Variants in NHSL2 observed in about 807,000 individuals in gnomAD.
NHSL2 encodes NHS like 2.
Under a neutral mutation model 53.4 loss-of-function variants are expected in NHSL2, and 27 were observed. The observed-to-expected ratio is 0.51, with a 90% confidence interval of 0.37 to 0.70. The LOEUF is 0.70. Ranked by LOEUF, NHSL2 falls within the 30% of genes least tolerant of loss-of-function variation. NHSL2 has a pLI of 0.00. For missense variants in NHSL2, 892 were observed against 980.1 expected (o/e 0.91, Z 1.20); for synonymous variants, 408 against 404.1 (o/e 1.01, Z -0.12).
At chrX:71,991,818 TTCTC>T (rs59851052) in intron 1 of NHSL2, among the ~76,000 whole-genome samples, 3,546 of 99,767 alleles carry the variant, frequency 0.036, 38 homozygotes, top group Non-Finnish European at 0.04. Flanking sequence ...GTCTTTCTCT[TTCTC>T]TCTCTCTCTC....
At chrX:71,945,567 G>A (rs2041788622) in intron 1 of NHSL2, among the ~76,000 whole-genome samples, 1 of 111,658 alleles carries the variant, frequency 9.0e-6, no homozygotes, top group Non-Finnish European at 1.9e-5. Flanking sequence ...CCAGACCTCC[G>A]ACTTGGGGCT....
intron 1 of NHSL2, among the ~76,000 whole-genome samples, chrX:71,928,264 T>C (rs959824341): frequency 1.7e-4 from 19 of 111,740 alleles, no homozygotes; most frequent in Admixed American, 7.6e-4. Flanking sequence ...ACTGCAGGAT[T>C]GTATAGGACT....
At chrX:71,954,576 G>T (rs918880348) in intron 1 of NHSL2, among the ~76,000 whole-genome samples, 1 of 112,031 alleles carries the variant, frequency 8.9e-6, no homozygotes, top group African/African-American at 3.2e-5. Context: ...CCTCGGGCTG[G>T]GCCCAGTTGG....
At chrX:71,925,420 CTTT>C (rs775266941) in intron 1 of NHSL2, among the ~76,000 whole-genome samples, 2 of 99,627 alleles carry the variant, frequency 2.0e-5, no homozygotes, top group Non-Finnish European at 2.1e-5. Flanking sequence ...TGTTTTTGCA[CTTT>C]TTTTTTTTTT....
chrX:72,077,926 C>T (rs947514220), intron 1 of NHSL2, among the ~76,000 whole-genome samples: 2 of 112,861 alleles, frequency 1.8e-5, no homozygotes, highest in South Asian at 3.6e-4. Context: ...CTAGGAAACA[C>T]GGGCCAGCTC....
intron 1 of NHSL2, among the ~76,000 whole-genome samples, chrX:72,020,986 G>A (rs1350948814): frequency 8.9e-6 from 1 of 112,116 alleles, no homozygotes; most frequent in African/African-American, 3.3e-5. Flanking sequence ...TTTTGACCTT[G>A]TCTTCTCTGA....
chrX:72,070,699 G>C (rs1298341147), intron 1 of NHSL2, among the ~76,000 whole-genome samples: 2 of 108,307 alleles, frequency 1.8e-5, no homozygotes, highest in South Asian at 4.2e-4. Context: ...CCTCTGTCTT[G>C]GTGGAGTTCC....
rs948804691 is a variant in NHSL2 at position 72,153,256 on chromosome X, T to G, written c.*9682T>G. ...TTATATAGCTAGAGCTGTTTGTGTC[T>G]TCTTAAAATAAACTTTTTCTGTTAA... On this transcript the variant is annotated 3_prime_UTR_variant, in exon 8 of 8. Transcript: ENST00000633930. 7 of 112,748 alleles carry G rather than the reference T, an allele frequency of 6.2e-5. No individual in the cohort carries two copies. The highest frequency in any genetic ancestry group is 2.3e-4 in the African/African-American group (7 of 31,061). 9.3% of individuals were successfully genotyped at this position (112,748 alleles called of 1,213,427 possible).
intron 1 of NHSL2, chrX:72,128,053 T>C (rs1246043000): frequency 8.9e-6 from 1 of 112,422 alleles, no homozygotes; most frequent in East Asian, 2.8e-4. Context: ...TGTATTACTT[T>C]TCTCTTTGGA....
At chrX:71,961,630 G>A (rs1263186581) in intron 1 of NHSL2, among the ~76,000 whole-genome samples, 1 of 110,966 alleles carries the variant, frequency 9.0e-6, no homozygotes, top group Non-Finnish European at 1.9e-5. Flanking sequence ...GTTAGCTTTG[G>A]GTAGGTTTTT....
intron 1 of NHSL2, among the ~76,000 whole-genome samples, chrX:72,033,203 T>TG (rs1219658244): frequency 1.9e-5 from 2 of 106,904 alleles, no homozygotes; most frequent in African/African-American, 3.5e-5. Context: ...TTTTTTTTTT[T>TG]GGGAGACAAA....
chrX:72,020,493 A>C (rs2042154915), intron 1 of NHSL2, among the ~76,000 whole-genome samples: 1 of 112,595 alleles, frequency 8.9e-6, no homozygotes, highest in Non-Finnish European at 1.9e-5. Context: ...GACGCAAACC[A>C]CTATATGGCC....
intron 1 of NHSL2, among the ~76,000 whole-genome samples, chrX:72,100,820 G>T (rs1461852655): frequency 2.7e-5 from 3 of 112,226 alleles, no homozygotes; most frequent in Non-Finnish European, 5.6e-5. Context: ...CAAAAAGGTT[G>T]GGGACTGCTG....
rs142080245 is a variant in NHSL2, at chrX:72,139,181, G to A, written c.1633G>A (p.Ala545Thr). Residue 545 changes from alanine (A) to threonine (T), a missense_variant, in exon 6 of 8, where the codon GCC becomes ACC. Transcript: ENST00000633930. ...TGCTGACAACATTGCCTCCCTTAGT[G>A]CCCAGCAAGAGGCCCAGCACAGAAG... is the stretch of plus-strand genomic sequence containing the variant. ...NSADNIASLS[A>T]QQEAQHRRQR... 2.1e-4 allele frequency: 246 copies of A among 1,173,087 alleles called. No homozygotes were observed. In the African/African-American group the frequency reaches 3.6e-3, roughly 17 times the overall value.
intron 1 of NHSL2, among the ~76,000 whole-genome samples, chrX:71,984,158 CCTGT>C (rs1033100072): frequency 5.4e-5 from 6 of 111,277 alleles, no homozygotes; most frequent in Non-Finnish European, 7.5e-5. Context: ...TGATGATATT[CCTGT>C]CTAACTATTA....
At chrX:72,051,635 A>C (rs2042341238) in intron 1 of NHSL2, among the ~76,000 whole-genome samples, 4 of 111,105 alleles carry the variant, frequency 3.6e-5, no homozygotes, top group Admixed American at 2.9e-4. Context: ...CCTTCTCCAC[A>C]ACATGTTCCC....
chrX:72,089,972 A>C (rs191948910), intron 1 of NHSL2, among the ~76,000 whole-genome samples: 1 of 112,004 alleles, frequency 8.9e-6, no homozygotes, highest in Non-Finnish European at 1.9e-5. Context: ...AGTGGGGCTC[A>C]TATCATCCCA....
Position 72,152,272 on chromosome X carries a change from T to C in NHSL2, c.*8698T>C, listed in dbSNP as rs2042520087. 2 of 113,097 alleles carry C rather than the reference T, an allele frequency of 1.8e-5. No individual in the cohort carries two copies. Among genetic ancestry groups the C allele is most frequent in the Admixed American group, 1.9e-4 (2 of 10,703 alleles). 9.3% of individuals were successfully genotyped at this position (113,097 alleles called of 1,213,427 possible). On this transcript the variant is annotated 3_prime_UTR_variant, in exon 8 of 8. Transcript: ENST00000633930. ...GGGATAAGAATGGATGATATGTATG[T>C]GTCTGTGTGAGTTTGGTTTCTCAAC...
At chrX:71,943,146 C>A (rs1025710068) in intron 1 of NHSL2, among the ~76,000 whole-genome samples, 6 of 111,135 alleles carry the variant, frequency 5.4e-5, no homozygotes, top group Admixed American at 3.8e-4. Context: ...GAGAGAGGAT[C>A]TCACTATGTT....
Sources: allele counts gnomAD v4.1 joint callset (sites outside exome capture counted in the v4.1 genomes callset), GRCh38; gene constraint gnomAD v4.1.1; transcripts MANE v1.5; gene names NCBI Gene and HGNC (gene_info 2026-07-23, HGNC 2026-07-21).